SCHIP1: variants seen among roughly 807,000 people sequenced by gnomAD.
SCHIP1 encodes the protein schwannomin interacting protein 1.
SCHIP1 carries 8 observed loss-of-function variants against 29.7 expected under a neutral mutation model. That is an observed-to-expected ratio of 0.27 (90% CI 0.16 to 0.49). The LOEUF is 0.49. Among genes scored for constraint, SCHIP1 ranks in the 20% least tolerant of loss-of-function variants. The probability of loss-of-function intolerance (pLI) is 0.99; values close to 1 mark genes in which losing one functional copy is unlikely to be tolerated. For synonymous variants in SCHIP1, 76 were observed against 94.9 expected (o/e 0.80, Z 1.16); for missense variants, 193 against 294.6 (o/e 0.66, Z 2.52).
At chr3:159,571,447 T>C in the SCHIP1 span, among the ~76,000 whole-genome samples, 3 of 152,248 alleles carry the variant, frequency 2.0e-5, no homozygotes, top group Non-Finnish European at 2.9e-5. Context: ...GATTTGCATA[T>C]GTTGAACCAG....
chr3:159,315,292 G>T, the SCHIP1 span, among the ~76,000 whole-genome samples: 4 of 150,034 alleles, frequency 2.7e-5, no homozygotes, highest in Non-Finnish European at 4.4e-5. Flanking sequence ...TCCGCCTCCC[G>T]GGTTCACGCC....
At chr3:159,794,220 C>T in the SCHIP1 span, among the ~76,000 whole-genome samples, 1 of 152,202 alleles carries the variant, frequency 6.6e-6, no homozygotes, top group Non-Finnish European at 1.5e-5. Context: ...ACCTCTGAGT[C>T]AGCCACAGCT....
At chr3:159,457,322 G>A in the SCHIP1 span, among the ~76,000 whole-genome samples, 1 of 151,902 alleles carries the variant, frequency 6.6e-6, no homozygotes, top group Non-Finnish European at 1.5e-5. Flanking sequence ...ATATCCTGGT[G>A]TAGAATTATG....
chr3:159,819,181 T>C, the SCHIP1 span, among the ~76,000 whole-genome samples: 1 of 152,120 alleles, frequency 6.6e-6, no homozygotes, highest in Non-Finnish European at 1.5e-5. Context: ...TTTCATGACA[T>C]GGCAGATAAC....
the SCHIP1 span, among the ~76,000 whole-genome samples, chr3:159,748,306 GT>G: frequency 6.6e-6 from 1 of 152,188 alleles, no homozygotes; most frequent in Non-Finnish European, 1.5e-5. Flanking sequence ...TGTTTACTGT[GT>G]AACGTAACTC....
chr3:159,592,032 A>T, the SCHIP1 span, among the ~76,000 whole-genome samples: 1 of 151,574 alleles, frequency 6.6e-6, no homozygotes, highest in South Asian at 2.1e-4. Context: ...AGTGTGGATT[A>T]TCTTTGGCCC....
the SCHIP1 span, among the ~76,000 whole-genome samples, chr3:159,442,505 G>GT: frequency 9.2e-5 from 14 of 152,166 alleles, no homozygotes; most frequent in African/African-American, 1.7e-4. Flanking sequence ...GCATCCAGTG[G>GT]TTTTTTCAGC....
the SCHIP1 span, among the ~76,000 whole-genome samples, chr3:159,500,232 C>T: frequency 1.8e-4 from 27 of 151,956 alleles, no homozygotes; most frequent in Non-Finnish European, 1.5e-5. Context: ...TGTTTGATTC[C>T]TGGAGAAAAC....
At chr3:159,658,640 G>A in the SCHIP1 span, among the ~76,000 whole-genome samples, 3,885 of 152,128 alleles carry the variant, frequency 0.026, 85 homozygotes, top group East Asian at 0.071. Flanking sequence ...ATCTAATCAA[G>A]TCTCACAGCC....
At chr3:159,876,638 G>T (rs1005385341) in intron 2 of SCHIP1, among the ~76,000 whole-genome samples, 1 of 152,128 alleles carries the variant, frequency 6.6e-6, no homozygotes, top group African/African-American at 2.4e-5. Flanking sequence ...CCATTTAAAC[G>T]GTGACACATG....
chr3:159,538,255 A>G, the SCHIP1 span, among the ~76,000 whole-genome samples: 2 of 151,152 alleles, frequency 1.3e-5, no homozygotes, highest in African/African-American at 4.9e-5. Flanking sequence ...TAGTAAAAAA[A>G]CAACTGCCAT....
chr3:159,296,263 A>G, the SCHIP1 span, among the ~76,000 whole-genome samples: 2 of 152,124 alleles, frequency 1.3e-5, no homozygotes, highest in Non-Finnish European at 2.9e-5. Flanking sequence ...TTTGCTCTGA[A>G]TTTCCCAAGT....
chr3:159,334,273 T>C, the SCHIP1 span, among the ~76,000 whole-genome samples: 1 of 152,156 alleles, frequency 6.6e-6, no homozygotes, highest in Non-Finnish European at 1.5e-5. Flanking sequence ...GCATGTCAAC[T>C]CATGACACAA....
the SCHIP1 span, among the ~76,000 whole-genome samples, chr3:159,596,788 G>A: frequency 6.6e-6 from 1 of 151,858 alleles, no homozygotes; most frequent in Non-Finnish European, 1.5e-5. Flanking sequence ...ATCACACACT[G>A]GGGGTGTCAT....
chr3:159,671,306 C>A, the SCHIP1 span, among the ~76,000 whole-genome samples: 3 of 152,298 alleles, frequency 2.0e-5, no homozygotes, highest in South Asian at 6.2e-4. Flanking sequence ...CTCAGGAGAT[C>A]TCCTGACATG....
chr3:159,873,288 T>A (rs1269220865), intron 2 of SCHIP1, among the ~76,000 whole-genome samples: 1 of 152,128 alleles, frequency 6.6e-6, no homozygotes, highest in East Asian at 1.9e-4. Context: ...CTGAGGTGAG[T>A]GGGATCTTTG....
At chr3:159,382,122 C>G in the SCHIP1 span, among the ~76,000 whole-genome samples, 1 of 150,210 alleles carries the variant, frequency 6.7e-6, no homozygotes. Context: ...TTTATTATTA[C>G]TATACTTTAA....
chr3:159,604,038 C>G, the SCHIP1 span, among the ~76,000 whole-genome samples: 1 of 152,176 alleles, frequency 6.6e-6, no homozygotes. Context: ...CTTTTCAACA[C>G]TGCTGCATTG....
chr3:159,791,426 C>T, the SCHIP1 span, among the ~76,000 whole-genome samples: 37 of 152,388 alleles, frequency 2.4e-4, no homozygotes, highest in South Asian at 2.1e-3. Context: ...TTACCAGAAC[C>T]TTCCCGGCAG....
Sources: gnomAD v4.1 joint callset for allele counts (sites outside exome capture counted in the v4.1 genomes callset) on GRCh38, gnomAD v4.1.1 for gene constraint, MANE v1.5 for transcripts, NCBI Gene and HGNC (gene_info 2026-07-23, HGNC 2026-07-21) for gene names.